HMGA2: variants seen among roughly 807,000 people sequenced by gnomAD.
HMGA2 encodes high mobility group AT-hook 2, also known as high mobility group protein HMGI-C.
A neutral mutation model predicts 19.1 loss-of-function variants in HMGA2; 8 were observed. That is an observed-to-expected ratio of 0.42 (90% CI 0.25 to 0.76). The LOEUF (loss-of-function observed/expected upper bound fraction) is 0.76, where lower values mean the gene tolerates loss of function less well. HMGA2 is among the 30% of genes least tolerant of loss of function. HMGA2 has a pLI of 0.28. For synonymous variants in HMGA2, 60 were observed against 48.8 expected (o/e 1.23, Z -0.96); for missense variants, 109 against 136.3 (o/e 0.80, Z 1.00).
rs1419078183 is a variant in HMGA2 at position 65,825,027 on chromosome 12, C to G, written c.-244C>G. On this transcript the variant is annotated 5_prime_UTR_variant, in exon 1 of 5. Coordinates refer to ENST00000403681, the MANE Select transcript of HMGA2 (RefSeq NM_003483.6). The surrounding 1 kb of genome is among the most constrained non-coding windows in gnomAD (Gnocchi z 4.4). ...CACCCACCCACCGCCGCCGCCGCCA[C>G]CGGCAGCGCCTCCTCCTCTCCTCCT... The G allele has an allele frequency of 4.6e-6, 2 of 430,828 alleles. No individual in the cohort carries two copies. The highest frequency in any genetic ancestry group is 4.1e-5 in the African/African-American group (2 of 48,354). The allele number at this position is 430,828 out of a possible 1,614,324, so 26.7% of individuals were successfully genotyped here.
rs1876876442 is a variant in HMGA2 at position 65,965,307 on chromosome 12, CA to C, written c.*2017del. 1 of 203,734 alleles carries C rather than the reference CA, an allele frequency of 4.9e-6. No individual in the cohort carries two copies. Among genetic ancestry groups the C allele is most frequent in the South Asian group, 1.9e-4 (1 of 5,282 alleles). 12.6% of individuals were successfully genotyped at this position (203,734 alleles called of 1,614,324 possible). Reference sequence around the variant, plus strand: ...CAAATGTGATTTTTGTAATATGTCTCAACCAGATTTATTTTAAACGCTTCTT... The same window carrying C: ...CAAATGTGATTTTTGTAATATGTCTCACCAGATTTATTTTAAACGCTTCTT... On this transcript the variant is annotated 3_prime_UTR_variant, in exon 5 of 5. Transcript: ENST00000403681.
chr12:65,959,894 T>C (rs1376516343), intron 4 of HMGA2, among the ~76,000 whole-genome samples: 1 of 152,186 alleles, frequency 6.6e-6, no homozygotes, highest in East Asian at 1.9e-4. Context: ...TTTTCTTTTT[T>C]TTTCTTTTTA....
At chr12:65,945,220 G>A (rs920203854) in intron 3 of HMGA2, among the ~76,000 whole-genome samples, 10 of 151,144 alleles carry the variant, frequency 6.6e-5, no homozygotes, top group African/African-American at 2.4e-4. Flanking sequence ...AGGTGTGGGG[G>A]AGGTTCTTAT....
At chr12:65,945,527 G>A (rs1345126235) in intron 3 of HMGA2, among the ~76,000 whole-genome samples, 1 of 152,080 alleles carries the variant, frequency 6.6e-6, no homozygotes, top group Non-Finnish European at 1.5e-5. Context: ...GGATCTCGGT[G>A]AATGTTCTAT....
rs1272332080 is a variant in HMGA2 at position 65,963,258 on chromosome 12, A to G, written c.296A>G (p.Glu99Gly). Reference protein sequence around the residue: ...QKKPAQEETEETSSQESAEED With the variant: ...QKKPAQEETEGTSSQESAEED ...TGTGTGTTCCAGGAGGAAACTGAAG[A>G]GACATCCTCACAAGAGTCTGCCGAA... is the stretch of plus-strand genomic sequence containing the variant. The change falls in exon 5 of 5, where the codon GAG becomes GGG. Residue 99 changes from glutamate (E) to glycine (G), a missense_variant. Transcript: ENST00000403681. 6.2e-7 allele frequency: 1 copy of G among 1,613,640 alleles called. No individual in the cohort carries two copies. The highest frequency in any genetic ancestry group is 2.2e-5 in the East Asian group (1 of 44,876).
At chr12:65,865,371 G>A (rs976023517) in intron 3 of HMGA2, among the ~76,000 whole-genome samples, 1 of 151,952 alleles carries the variant, frequency 6.6e-6, no homozygotes, top group African/African-American at 2.4e-5. Flanking sequence ...ATTTCATGAG[G>A]GTGAACTTTT....
chr12:65,946,801 T>C (rs1720914136), intron 3 of HMGA2, among the ~76,000 whole-genome samples: 2 of 152,196 alleles, frequency 1.3e-5, no homozygotes, highest in Admixed American at 1.3e-4. Flanking sequence ...CCAAATACTC[T>C]GTGGATTTTA....
At position 65,913,176 on chromosome 12, in the gene HMGA2, TC is replaced by T. The variant is rs1165181886; in HGVS notation, c.250-38205del. Among the ~76,000 whole-genome samples, 21 of 152,238 alleles carry T rather than the reference TC, an allele frequency of 1.4e-4. No homozygotes were observed. In the South Asian group the frequency reaches 3.7e-3, roughly 27 times the overall value. On this transcript the variant is annotated intron_variant, in intron 3 of 4. Transcript: ENST00000403681. ...CTCCACACAACAGTTCTTCTGTTCC[TC>T]CATTCCTTCCACCATTTTGTGCTAT...
intron 3 of HMGA2, chr12:65,914,577 G>A (rs1171349767): frequency 9.6e-6 from 2 of 207,990 alleles, no homozygotes; most frequent in East Asian, 1.1e-4. Flanking sequence ...GCACCAGCAC[G>A]GCACATGTAT....
chr12:65,866,029 G>A (rs1164712381), intron 3 of HMGA2, among the ~76,000 whole-genome samples: 3 of 152,156 alleles, frequency 2.0e-5, no homozygotes, highest in African/African-American at 7.2e-5. Context: ...GGGAATCATA[G>A]CAAGTGTATA....
chr12:65,953,676 T>G (rs1379139966), intron 4 of HMGA2: 4 of 152,220 alleles, frequency 2.6e-5, no homozygotes, highest in Non-Finnish European at 5.9e-5. Flanking sequence ...TTACAGACCC[T>G]GTTCCAGATT....
chr12:65,838,998 CTTTT>C, intron 3 of HMGA2, among the ~76,000 whole-genome samples: 1 of 107,230 alleles, frequency 9.3e-6, no homozygotes, highest in African/African-American at 5.3e-5. Flanking sequence ...TTTTCTTTTT[CTTTT>C]TTTTTTTTGG....
intron 4 of HMGA2, chr12:65,957,793 G>A (rs1592468319): frequency 6.6e-6 from 1 of 152,170 alleles, no homozygotes. Flanking sequence ...TTCAGTGATG[G>A]AACTCTGTTG....
chr12:65,892,378 T>C (rs1396312634), intron 3 of HMGA2, among the ~76,000 whole-genome samples: 1 of 152,182 alleles, frequency 6.6e-6, no homozygotes, highest in Admixed American at 6.5e-5. Flanking sequence ...ACTGTGATTT[T>C]ATTGCTTGAG....
At chr12:65,882,159 T>A in intron 3 of HMGA2, 1 of 398,034 alleles carries the variant, frequency 2.5e-6, no homozygotes, top group Non-Finnish European at 4.8e-6. Context: ...GGCGAGGTCT[T>A]GCGGGCTGGC....
chr12:65,897,562 G>T (rs537120982), intron 3 of HMGA2, among the ~76,000 whole-genome samples: 1 of 152,324 alleles, frequency 6.6e-6, no homozygotes, highest in African/African-American at 2.4e-5. Context: ...AGTGGTCAGG[G>T]AGAGCACAGA....
intron 2 of HMGA2, among the ~76,000 whole-genome samples, chr12:65,837,388 A>T (rs1870779950): frequency 6.6e-6 from 1 of 152,172 alleles, no homozygotes; most frequent in Non-Finnish European, 1.5e-5. Context: ...CAGATTGAAG[A>T]GAAAAAGAGG....
At chr12:65,842,832 G>A in intron 3 of HMGA2, 3 of 1,340,832 alleles carry the variant, frequency 2.2e-6, no homozygotes, top group Non-Finnish European at 2.9e-6. Flanking sequence ...CACATACCTA[G>A]TTTAGTGATG....
At chr12:65,902,321 A>G (rs1874407338) in intron 3 of HMGA2, among the ~76,000 whole-genome samples, 1 of 152,188 alleles carries the variant, frequency 6.6e-6, no homozygotes, top group African/African-American at 2.4e-5. Flanking sequence ...GCTACATTCT[A>G]TACCAGGCAC....
Sources: allele counts gnomAD v4.1 joint callset (sites outside exome capture counted in the v4.1 genomes callset), GRCh38; gene constraint gnomAD v4.1.1; non-coding constraint Gnocchi (gnomAD v3.1); transcripts MANE v1.5; gene names NCBI Gene and HGNC (gene_info 2026-07-23, HGNC 2026-07-21).